The following SGK1 variants were observed in gnomAD, a reference collection of about 807,000 sequenced individuals.
SGK1 encodes the protein serum/glucocorticoid regulated kinase 1.
Under a neutral mutation model 64.2 loss-of-function variants are expected in SGK1, and 26 were observed. The ratio of observed to expected loss-of-function variants is 0.40; its 90% CI spans 0.30 to 0.56. The LOEUF (loss-of-function observed/expected upper bound fraction) is 0.56, where lower values mean the gene tolerates loss of function less well. Ranked by LOEUF, SGK1 falls within the 20% of genes least tolerant of loss-of-function variation. The probability of loss-of-function intolerance (pLI) is 0.38; values close to 1 mark genes in which losing one functional copy is unlikely to be tolerated. For synonymous variants in SGK1, 265 were observed against 239.7 expected, an observed-to-expected ratio of 1.11 and a Z score of -0.98; for missense variants, 519 against 645.6, an observed-to-expected ratio of 0.80 and a Z score of 2.12.
chr6:134,186,110 A>G (rs1470065087), intron 3 of SGK1, among the ~76,000 whole-genome samples: 1 of 152,188 alleles, frequency 6.6e-6, no homozygotes, highest in Non-Finnish European at 1.5e-5. Flanking sequence ...AGTCAAGTTG[A>G]CACTTAAAAT....
chr6:134,313,992 G>C (rs1302799094), intron 1 of SGK1, among the ~76,000 whole-genome samples: 1 of 152,156 alleles, frequency 6.6e-6, no homozygotes, highest in Non-Finnish European at 1.5e-5. Flanking sequence ...CATCTTAAAT[G>C]AATTTTTGGA....
At chr6:134,280,669 C>T (rs1777079963) in intron 1 of SGK1, among the ~76,000 whole-genome samples, 1 of 152,138 alleles carries the variant, frequency 6.6e-6, no homozygotes, top group Admixed American at 6.5e-5. Context: ...CTTTATGTTG[C>T]TTGTAATGCC....
intron 10 of SGK1, 61 bp from the exon 11 acceptor site, chr6:134,171,793 A>C: frequency 9.1e-7 from 1 of 1,094,804 alleles, no homozygotes; most frequent in South Asian, 1.3e-5. Flanking sequence ...TCCCACGACC[A>C]CACATTTAGT....
chr6:134,306,041 T>C (rs909150359), intron 1 of SGK1, among the ~76,000 whole-genome samples: 1 of 152,196 alleles, frequency 6.6e-6, no homozygotes, highest in Non-Finnish European at 1.5e-5. Context: ...ATAGAGCTCA[T>C]AGTCCAGGAG....
rs185489937 is a variant in SGK1 at position 134,297,222 on chromosome 6, C to T, written c.69+20170G>A. On this transcript the variant is annotated intron_variant, in intron 1 of 13. Transcript: ENST00000367858. ...CACATTCTGTATCCCAGACTCCAGC[C>T]GGCATTTCTAGCCCTCCAGCAGCTT... 7.4e-5 allele frequency: 71 copies of T among 960,934 alleles called. No homozygotes were observed. In the East Asian group the frequency reaches 1.5e-3, roughly 20 times the overall value. The allele number at this position is 960,934 out of a possible 1,614,324, so 59.5% of individuals were successfully genotyped here.
chr6:134,173,623 A>AT (rs1775109413), intron 5 of SGK1, 57 bp from the exon 6 acceptor site: 1 of 1,189,874 alleles, frequency 8.4e-7, no homozygotes, highest in East Asian at 2.4e-5. Flanking sequence ...GAAGACATCT[A>AT]TAACATAAAC....
At chr6:134,278,605 T>C (rs185488046) in intron 1 of SGK1, among the ~76,000 whole-genome samples, 167 of 152,312 alleles carry the variant, frequency 1.1e-3, no homozygotes, top group Non-Finnish European at 1.3e-4. Context: ...TATTTCTGTA[T>C]TCTATTTTTT....
At position 134,214,515 on chromosome 6, in the gene SGK1, T is replaced by C. The variant is rs112791222; in HGVS notation, c.286-7084A>G. Among the ~76,000 whole-genome samples, 256 of 151,638 alleles carry C rather than the reference T, an allele frequency of 1.7e-3. 1 individual carries two copies. Among genetic ancestry groups the C allele is most frequent in the African/African-American group, 5.8e-3 (240 of 41,288 alleles). On this transcript the variant is annotated intron_variant, in intron 2 of 13. Transcript: ENST00000367858. ...CTGAGGCAGGAGAATCCCTTGAACC[T>C]GGGAGGCGGATGTTGCAGTGAGTCA...
chr6:134,216,655 C>G (rs1251738916), intron 2 of SGK1, among the ~76,000 whole-genome samples: 1 of 152,146 alleles, frequency 6.6e-6, no homozygotes, highest in African/African-American at 2.4e-5. Flanking sequence ...ACATAGACAT[C>G]AACAAAACAG....
intron 3 of SGK1, among the ~76,000 whole-genome samples, chr6:134,179,523 G>A (rs1195192165): frequency 8.0e-6 from 1 of 124,978 alleles, no homozygotes; most frequent in Non-Finnish European, 1.6e-5. Context: ...TACAGAAAAT[G>A]ATGATGACAA....
intron 2 of SGK1, among the ~76,000 whole-genome samples, chr6:134,228,697 T>C (rs1208754326): frequency 2.0e-5 from 3 of 152,246 alleles, no homozygotes; most frequent in Admixed American, 6.5e-5. Context: ...TACTGGGCTC[T>C]GCGCAAAGGC....
At chr6:134,300,923 C>T (rs915763979) in intron 1 of SGK1, among the ~76,000 whole-genome samples, 1 of 151,966 alleles carries the variant, frequency 6.6e-6, no homozygotes, top group Non-Finnish European at 1.5e-5. Flanking sequence ...CGTGAGCCAC[C>T]GCGCCTGGCC....
chr6:134,267,981 A>C (rs76226083), intron 1 of SGK1, among the ~76,000 whole-genome samples: 3,868 of 152,272 alleles, frequency 0.025, 163 homozygotes, highest in African/African-American at 0.088. Flanking sequence ...ACCAGCTTTG[A>C]AGCCTCACAA....
intron 2 of SGK1, among the ~76,000 whole-genome samples, chr6:134,241,856 G>A (rs868725118): frequency 4.6e-5 from 7 of 151,492 alleles, no homozygotes; most frequent in Admixed American, 6.6e-5. Flanking sequence ...TCCTGACCTC[G>A]TGATCCGCCC....
chr6:134,270,707 C>A (rs747039920), intron 1 of SGK1, among the ~76,000 whole-genome samples: 1 of 148,018 alleles, frequency 6.8e-6, no homozygotes, highest in South Asian at 2.2e-4. Context: ...AGGCCTAGTC[C>A]GGAGGATGGA....
At chr6:134,239,707 G>A (rs1290698385) in intron 2 of SGK1, among the ~76,000 whole-genome samples, 1 of 152,210 alleles carries the variant, frequency 6.6e-6, no homozygotes, top group African/African-American at 2.4e-5. Flanking sequence ...GAGGGGACAA[G>A]GTTGCACTCA....
chr6:134,235,219 A>G (rs1001298077), intron 2 of SGK1, among the ~76,000 whole-genome samples: 6 of 152,216 alleles, frequency 3.9e-5, no homozygotes, highest in Non-Finnish European at 5.9e-5. Context: ...TTCTAAAGCC[A>G]TGAATAATAA....
At chr6:134,178,564 A>C (rs550380353) in intron 3 of SGK1, among the ~76,000 whole-genome samples, 1 of 152,198 alleles carries the variant, frequency 6.6e-6, no homozygotes, top group African/African-American at 2.4e-5. Context: ...TAGTCCTCCT[A>C]CTGGGAGGAA....
intron 2 of SGK1, among the ~76,000 whole-genome samples, chr6:134,240,982 T>A (rs1210882271): frequency 6.6e-6 from 1 of 151,988 alleles, no homozygotes; most frequent in African/African-American, 2.4e-5. Context: ...AAATGTTTCA[T>A]CTTTAGTAGA....
Sources: gnomAD v4.1 joint callset for allele counts (sites outside exome capture counted in the v4.1 genomes callset) on GRCh38, gnomAD v4.1.1 for gene constraint, MANE v1.5 for transcripts, NCBI Gene and HGNC (gene_info 2026-07-23, HGNC 2026-07-21) for gene names.